The following PLAT variants were observed in gnomAD, a reference collection of about 807,000 sequenced individuals.
The protein encoded by PLAT is tissue-type plasminogen activator.
Under a neutral mutation model 74.9 loss-of-function variants are expected in PLAT, and 48 were observed. The observed-to-expected ratio is 0.64, with a 90% CI of 0.51 to 0.82. The LOEUF is 0.82. Ranked by LOEUF, PLAT falls within the 40% of genes least tolerant of loss-of-function variation. The pLI is 0.00. For synonymous variants in PLAT, 307 were observed against 294.4 expected, an observed-to-expected ratio of 1.04 and a Z score of -0.44; for missense variants, 673 against 736.2, an observed-to-expected ratio of 0.91 and a Z score of 0.99.
chr8:42,187,117 ATC>A (rs1491077559), intron 6 of PLAT: 1 of 334,740 alleles, frequency 3.0e-6, no homozygotes, highest in Non-Finnish European at 5.5e-6. Context: ...TCTATCATCT[ATC>A]TATCACCTAT....
chr8:42,191,569 G>T (rs1056448064), intron 2 of PLAT, among the ~76,000 whole-genome samples, 155 bp from the exon 3 acceptor site: 1 of 152,070 alleles, frequency 6.6e-6, no homozygotes, highest in African/African-American at 2.4e-5. Context: ...TCCATCTCCT[G>T]CCTTCTAGTC....
chr8:42,188,305 A>G (rs1228679082), intron 4 of PLAT: 1 of 340,800 alleles, frequency 2.9e-6, no homozygotes, highest in Non-Finnish European at 5.3e-6. Context: ...AATGTGCTCT[A>G]TGTGCCAGGC....
chr8:42,197,576 A>G (rs145024358), intron 1 of PLAT, among the ~76,000 whole-genome samples: 13 of 152,268 alleles, frequency 8.5e-5, no homozygotes, highest in African/African-American at 2.6e-4. Context: ...TGGTGGCCAC[A>G]TGGGGAAATG....
Position 42,191,369 on chromosome 8 carries a change from G to A in PLAT, c.115+3C>T, listed in dbSNP as rs140181778. 9.9e-6 allele frequency: 16 copies of A among 1,613,712 alleles called. No homozygotes were observed. The highest frequency in any genetic ancestry group is 5.0e-5 in the Admixed American group (3 of 59,998). On this transcript the variant is annotated splice_donor_region_variant and intron_variant, in intron 3 of 13. Coordinates refer to ENST00000220809, the MANE Select transcript of PLAT (RefSeq NM_000930.5). ...CCCCATGCACCCCTCAGCTTCACCCGACCTTGGTAAGATCTGGCTCCTCTT... is the reference window on the plus strand; with the variant it reads ...CCCCATGCACCCCTCAGCTTCACCCAACCTTGGTAAGATCTGGCTCCTCTT...
chr8:42,199,742 C>A (rs1432044928), intron 1 of PLAT, among the ~76,000 whole-genome samples: 6 of 152,210 alleles, frequency 3.9e-5, no homozygotes, highest in Non-Finnish European at 7.3e-5. Flanking sequence ...ACACTTAGAT[C>A]CTTCTGAAGC....
rs1806309188 is a variant in PLAT, at chr8:42,205,789, T to C, written c.-27+1705A>G. Among the ~76,000 whole-genome samples the C allele has an allele frequency of 2.0e-5, 3 of 152,220 alleles. No homozygotes were observed. The South Asian group carries it at 6.2e-4, about 31-fold the overall frequency. ...AAACCAAGCCATACCTTGGCCACCT[T>C]GGACATATGTCCTCAGGATCTCCAG... On this transcript the variant is annotated intron_variant, in intron 1 of 13. Coordinates refer to ENST00000220809, the MANE Select transcript of PLAT (RefSeq NM_000930.5).
At chr8:42,178,537 T>C (rs1805069921) in intron 13 of PLAT, among the ~76,000 whole-genome samples, 2 of 152,248 alleles carry the variant, frequency 1.3e-5, no homozygotes, top group African/African-American at 2.4e-5. Context: ...CCCAAAGTGC[T>C]GGGATTACAG....
chr8:42,204,434 G>A (rs917080655), intron 1 of PLAT, among the ~76,000 whole-genome samples: 1 of 152,150 alleles, frequency 6.6e-6, no homozygotes, highest in Non-Finnish European at 1.5e-5. Context: ...GGTGCATAAT[G>A]CCAAATAATC....
intron 4 of PLAT, chr8:42,188,611 G>GTGTTTT (rs773369896): frequency 1.2e-3 from 317 of 268,600 alleles, no homozygotes; most frequent in Middle Eastern, 3.5e-3. Context: ...GGGCTTTTCT[G>GTGTTTT]TGTTTTTGTT....
chr8:42,189,105 A>G, intron 3 of PLAT, 34 bp from the exon 4 acceptor site: 1 of 1,600,024 alleles, frequency 6.2e-7, no homozygotes, highest in Non-Finnish European at 8.6e-7. Flanking sequence ...TCATCAGAGT[A>G]TGACTCAAAA....
intron 1 of PLAT, among the ~76,000 whole-genome samples, chr8:42,196,618 G>C (rs1277569679): frequency 6.6e-6 from 1 of 152,200 alleles, no homozygotes; most frequent in Non-Finnish European, 1.5e-5. Context: ...GTGAAAGCCA[G>C]AACAATGGAC....
intron 1 of PLAT, among the ~76,000 whole-genome samples, chr8:42,201,049 C>T (rs536149595): frequency 9.2e-5 from 14 of 152,178 alleles, no homozygotes; most frequent in Non-Finnish European, 1.0e-4. Flanking sequence ...AGGCTGGTCT[C>T]GAACTCCCAA....
At chr8:42,189,617 G>T (rs964174843) in intron 3 of PLAT, among the ~76,000 whole-genome samples, 8 of 150,620 alleles carry the variant, frequency 5.3e-5, no homozygotes, top group Non-Finnish European at 1.0e-4. Flanking sequence ...TATTATTTTT[G>T]AAACAAAGTC....
intron 7 of PLAT, 61 bp downstream of exon 7, chr8:42,185,020 G>T: frequency 2.6e-6 from 3 of 1,159,834 alleles, no homozygotes; most frequent in Admixed American, 2.3e-5. Flanking sequence ...CTATCGGCCT[G>T]TCCTCCTGGA....
At chr8:42,202,039 A>G (rs1198863083) in intron 1 of PLAT, among the ~76,000 whole-genome samples, 6 of 152,148 alleles carry the variant, frequency 3.9e-5, no homozygotes, top group Non-Finnish European at 5.9e-5. Flanking sequence ...ATTTGTTTTG[A>G]GACAGGGTCT....
chr8:42,205,827 A>G (rs1243279378), intron 1 of PLAT, among the ~76,000 whole-genome samples: 1 of 152,210 alleles, frequency 6.6e-6, no homozygotes, highest in Non-Finnish European at 1.5e-5. Context: ...GCCGTGTCAC[A>G]TGTGTGTTCT....
At chr8:42,205,399 C>T (rs189899243) in intron 1 of PLAT, among the ~76,000 whole-genome samples, 5 of 152,196 alleles carry the variant, frequency 3.3e-5, no homozygotes, top group East Asian at 1.9e-4. Context: ...TGGTGGCAGG[C>T]GCCTGTAATC....
At chr8:42,186,426 C>T (rs1221438426) in intron 6 of PLAT, 2 of 152,202 alleles carry the variant, frequency 1.3e-5, no homozygotes, top group East Asian at 3.8e-4. Context: ...CAGAATACAG[C>T]CTTTTGTCTC....
At chr8:42,180,469 A>G in intron 10 of PLAT, 21 bp downstream of exon 10, 2 of 1,613,878 alleles carry the variant, frequency 1.2e-6, no homozygotes, top group South Asian at 2.2e-5. Context: ...GGAAAAACCA[A>G]CTGGGTTTCC....
Sources: gnomAD v4.1 joint callset for allele counts (sites outside exome capture counted in the v4.1 genomes callset) on GRCh38, gnomAD v4.1.1 for gene constraint, MANE v1.5 for transcripts, NCBI Gene and HGNC (gene_info 2026-07-23, HGNC 2026-07-21) for gene names.